CCL5: variants seen among roughly 807,000 people sequenced by gnomAD.
The protein encoded by CCL5 is C-C motif chemokine 5.
CCL5 carries 5 observed loss-of-function variants against 9.0 expected under a neutral mutation model. That is an observed-to-expected ratio of 0.55 (90% CI 0.29 to 1.16). CCL5 has a LOEUF of 1.16. Among genes scored for constraint, CCL5 ranks in the 50% most tolerant of loss-of-function variants. CCL5 has a pLI of 0.08. For synonymous variants in CCL5, 66 were observed against 72.0 expected, an observed-to-expected ratio of 0.92 and a Z score of 0.42; for missense variants, 183 against 183.2, an observed-to-expected ratio of 1.00 and a Z score of 0.01.
chr17:35,876,745 C>G (rs2088445893), intron 2 of CCL5, among the ~76,000 whole-genome samples: 1 of 152,230 alleles, frequency 6.6e-6, no homozygotes, highest in Non-Finnish European at 1.5e-5. Flanking sequence ...TTTCCTGACA[C>G]TCCGTGCTTT....
intron 2 of CCL5, among the ~76,000 whole-genome samples, chr17:35,876,448 T>G (rs182020833): frequency 6.6e-6 from 1 of 152,298 alleles, no homozygotes; most frequent in Non-Finnish European, 1.5e-5. Context: ...GGTTCTACAC[T>G]TCTCCAGCCA....
chr17:35,875,506 A>G, intron 3 of CCL5: 7 of 788,596 alleles, frequency 8.9e-6, no homozygotes, highest in East Asian at 1.3e-4. Flanking sequence ...GGCCTCTCAT[A>G]CTTTCTAGAG....
At chr17:35,876,768 C>A (rs2088446275) in intron 2 of CCL5, among the ~76,000 whole-genome samples, 1 of 152,190 alleles carries the variant, frequency 6.6e-6, no homozygotes, top group South Asian at 2.1e-4. Flanking sequence ...TACATGGAGA[C>A]TGTACATAAA....
chr17:35,872,830 A>C (rs1455603735), intron 3 of CCL5, among the ~76,000 whole-genome samples: 1 of 152,122 alleles, frequency 6.6e-6, no homozygotes, highest in African/African-American at 2.4e-5. Context: ...AGATGCAGAG[A>C]GAATAAGGTG....
Position 35,872,285 on chromosome 17 carries a change from G to A in CCL5, c.450C>T (p.Thr150=), listed in dbSNP as rs74589003. Reference sequence around the variant, plus strand: ...TCTGGGCCCTTCAAGGAGCGGGTGGGGTAGGATAGTGAGGGGAAGCCTCCC... The same window carrying A: ...TCTGGGCCCTTCAAGGAGCGGGTGGAGTAGGATAGTGAGGGGAAGCCTCCC... Residue 150 remains threonine, a synonymous_variant, in exon 4 of 4, where the codon ACC becomes ACT. Coordinates refer to ENST00000651122, the MANE Select transcript of CCL5 (RefSeq NM_001278736.2). 1 of 1,588,516 alleles carries A rather than the reference G, an allele frequency of 6.3e-7. No individual in the cohort carries two copies. Among genetic ancestry groups the A allele is most frequent in the Non-Finnish European group, 8.6e-7 (1 of 1,163,946 alleles).
At position 35,872,452 on chromosome 17, in the gene CCL5, T is replaced by A. The variant is rs768066628; in HGVS notation, c.283A>T (p.Lys95Ter). The change falls in exon 4 of 4, where the codon AAA becomes TAA. Residue 95 changes from lysine to a stop codon, truncating the protein, a stop_gained. Transcript: ENST00000651122. LOFTEE classifies it low-confidence loss of function (END_TRUNC). ...GGTTGGCACACACTTGGCGGTTCTT[T>A]CGGGTGACAAAGCTGTGGGAGAGGA... 4.3e-6 allele frequency: 7 copies of A among 1,613,928 alleles called. No homozygotes were observed. The highest frequency in any genetic ancestry group is 3.3e-5 in the Admixed American group (2 of 59,992).
At chr17:35,876,382 C>T (rs1385307437) in intron 2 of CCL5, among the ~76,000 whole-genome samples, 3 of 152,214 alleles carry the variant, frequency 2.0e-5, no homozygotes, top group Non-Finnish European at 4.4e-5. Context: ...ACAGGGTTAT[C>T]TTGCTGGCAC....
At chr17:35,875,873 T>A (rs2088436136) in intron 2 of CCL5, among the ~76,000 whole-genome samples, 1 of 152,142 alleles carries the variant, frequency 6.6e-6, no homozygotes, top group African/African-American at 2.4e-5. Flanking sequence ...CTTCTTTGCG[T>A]TTTTTCCTAA....
At chr17:35,874,898 CA>C (rs371508201) in intron 3 of CCL5, among the ~76,000 whole-genome samples, 225 of 152,262 alleles carry the variant, frequency 1.5e-3, no homozygotes, top group African/African-American at 5.1e-3. Context: ...AGACGTGAGC[CA>C]CCGCACCCAG....
intron 3 of CCL5, among the ~76,000 whole-genome samples, chr17:35,873,344 C>T (rs1180804689): frequency 2.6e-5 from 4 of 151,966 alleles, no homozygotes; most frequent in Non-Finnish European, 5.9e-5. Flanking sequence ...CCCCCCACCA[C>T]GCCTGGCTAA....
chr17:35,874,860 C>T (rs55846484), intron 3 of CCL5, among the ~76,000 whole-genome samples: 1 of 152,112 alleles, frequency 6.6e-6, no homozygotes, highest in East Asian at 1.9e-4. Flanking sequence ...TGACCACCCG[C>T]CTCAGCCTCC....
intron 3 of CCL5, among the ~76,000 whole-genome samples, chr17:35,874,390 G>A (rs1228369936): frequency 6.6e-6 from 1 of 152,014 alleles, no homozygotes; most frequent in Non-Finnish European, 1.5e-5. Flanking sequence ...CAACCTCCTG[G>A]GCTCAAGTGA....
rs375262476 is a variant in CCL5 at position 35,874,342 on chromosome 17, C to G, written c.270+1219G>C. ...AGACAGGGTCTCACTGTCACCCAGGCTGAAGTGTAGTGACATGAACACAAC... is the reference window on the plus strand; with the variant it reads ...AGACAGGGTCTCACTGTCACCCAGGGTGAAGTGTAGTGACATGAACACAAC... On this transcript the variant is annotated intron_variant, in intron 3 of 3. Transcript: ENST00000651122. 1.1e-4 allele frequency among the ~76,000 whole-genome samples: 17 copies of G among 152,274 alleles called. No homozygotes were observed. The South Asian group carries it at 3.5e-3, about 32-fold the overall frequency.
chr17:35,874,123 A>G (rs2088412410), intron 3 of CCL5, among the ~76,000 whole-genome samples: 1 of 152,124 alleles, frequency 6.6e-6, no homozygotes, highest in South Asian at 2.1e-4. Flanking sequence ...AGTCCTGCCT[A>G]CTTACCCTTT....
At chr17:35,875,254 T>A (rs1307129064) in intron 3 of CCL5, among the ~76,000 whole-genome samples, 3 of 152,236 alleles carry the variant, frequency 2.0e-5, no homozygotes, top group East Asian at 1.9e-4. Context: ...AATTTTTTTT[T>A]AATTGTGGTA....
chr17:35,878,089 C>A (rs1304355587), intron 2 of CCL5, among the ~76,000 whole-genome samples: 3 of 151,290 alleles, frequency 2.0e-5, no homozygotes, highest in Non-Finnish European at 4.4e-5. Flanking sequence ...TCGAGACCAT[C>A]CTGGCTAACA....
chr17:35,878,585 C>T lies in CCL5; in HGVS notation c.131G>A (p.Arg44His), dbSNP rs113918031. The T allele has an allele frequency of 9.3e-6, 15 of 1,613,582 alleles. No homozygotes were observed. The highest frequency in any genetic ancestry group is 2.2e-5 in the South Asian group (2 of 91,060). ...GTAGAAATACTCCTTGATGTGGGCA[C>T]GGGGCAGTGGGCGGGCAATGTAGGC... The change falls in exon 2 of 4, where the codon CGT becomes CAT. Residue 44 changes from arginine (R) to histidine (H), a missense_variant. Transcript: ENST00000651122.
In CCL5 at chr17:35,872,510, C is replaced by T. The variant is rs572481560; in HGVS notation, c.271-46G>A. The T allele has an allele frequency of 1.2e-5, 18 of 1,537,492 alleles. No individual in the cohort carries two copies. In the East Asian group the frequency reaches 2.5e-4, roughly 21 times the overall value. ...AGGGAGGATGAGACCTTGTCAGTAC[C>T]GGGACAGCCAGTTTGGGGGATGAAG... is the stretch of plus-strand genomic sequence containing the variant. On this transcript the variant is annotated intron_variant, in intron 3 of 3. Coordinates refer to ENST00000651122, the MANE Select transcript of CCL5 (RefSeq NM_001278736.2).
chr17:35,872,734 G>A (rs369475601), intron 3 of CCL5, among the ~76,000 whole-genome samples: 6 of 152,106 alleles, frequency 3.9e-5, no homozygotes, highest in Admixed American at 6.5e-5. Context: ...AAGAGGATAC[G>A]GAGCCTTGAA....
Sources: gnomAD v4.1 joint callset for allele counts (sites outside exome capture counted in the v4.1 genomes callset) on GRCh38, gnomAD v4.1.1 for gene constraint, MANE v1.5 for transcripts, NCBI Gene and HGNC (gene_info 2026-07-23, HGNC 2026-07-21) for gene names.